Variants in PCDHGA5 observed in about 807,000 individuals in gnomAD.
PCDHGA5 encodes protocadherin gamma-A5.
In PCDHGA5, 36 loss-of-function variants were observed where a neutral mutation model predicts 56.7. The ratio of observed to expected loss-of-function variants is 0.64; its 90% CI spans 0.49 to 0.84. The LOEUF (loss-of-function observed/expected upper bound fraction) is 0.84, where lower values mean the gene tolerates loss of function less well. Among genes scored for constraint, PCDHGA5 ranks in the 40% least tolerant of loss-of-function variants. PCDHGA5 has a pLI of 0.00. For missense variants in PCDHGA5, 1,305 were observed against 1,201.5 expected, an observed-to-expected ratio of 1.09 and a Z score of -1.27; for synonymous variants, 563 against 520.2, an observed-to-expected ratio of 1.08 and a Z score of -1.12.
chr5:141,472,602 T>A (rs1032061805), intron 1 of PCDHGA5, among the ~76,000 whole-genome samples: 1 of 152,026 alleles, frequency 6.6e-6, no homozygotes, highest in South Asian at 2.1e-4. Context: ...CTTGAAATTA[T>A]AAAACAAAGA....
chr5:141,389,899 A>G (rs1328617262), intron 1 of PCDHGA5: 1 of 1,614,032 alleles, frequency 6.2e-7, no homozygotes, highest in South Asian at 1.1e-5. Flanking sequence ...GTGCTGCCGG[A>G]TATCACTGAC....
chr5:141,374,223 A>G (rs761001587), intron 1 of PCDHGA5: 2 of 1,614,020 alleles, frequency 1.2e-6, no homozygotes, highest in South Asian at 2.2e-5. Flanking sequence ...TTCGTAGGCA[A>G]CATCGTCAAG....
At chr5:141,418,127 A>G in intron 1 of PCDHGA5, 1 of 1,614,104 alleles carries the variant, frequency 6.2e-7, no homozygotes, top group East Asian at 2.2e-5. Flanking sequence ...GAAGGACCGA[A>G]TAGACCGTGA....
At chr5:141,397,858 C>G in intron 1 of PCDHGA5, 2 of 559,034 alleles carry the variant, frequency 3.6e-6, no homozygotes, top group South Asian at 2.6e-5. Context: ...GCTGTAGTTT[C>G]CTAGTGCTGA....
chr5:141,376,646 G>A (rs1394499987), intron 1 of PCDHGA5: 17 of 1,002,858 alleles, frequency 1.7e-5, no homozygotes, highest in Non-Finnish European at 2.3e-5. Flanking sequence ...TTTGTAAAGT[G>A]GAAGACTCCC....
rs1296449913 is a variant in PCDHGA5 at position 141,366,403 on chromosome 5, C to CT, written c.2074dup (p.Tyr692LeufsTer37). The CT allele has an allele frequency of 5.6e-6, 9 of 1,614,094 alleles. No individual in the cohort carries two copies. The highest frequency in any genetic ancestry group is 1.3e-5 in the African/African-American group (1 of 74,950). ...ACCCTGAGGATCTGGACCTCACACT[C>CT]TATCTTGTGGTGGCAGTGGCTGCAG... is the stretch of plus-strand genomic sequence containing the variant. On this transcript the variant is annotated frameshift_variant, in exon 1 of 4. Coordinates refer to ENST00000518069, the MANE Select transcript of PCDHGA5 (RefSeq NM_018918.3). LOFTEE classifies it high-confidence loss of function.
At chr5:141,420,494 C>T (rs978136090) in intron 1 of PCDHGA5, 6 of 499,392 alleles carry the variant, frequency 1.2e-5, no homozygotes, top group African/African-American at 2.0e-5. Flanking sequence ...GGGTAATCTC[C>T]GGTGACATTT....
chr5:141,400,233 C>G (rs373858401), intron 1 of PCDHGA5: 21 of 1,613,872 alleles, frequency 1.3e-5, no homozygotes, highest in Non-Finnish European at 1.8e-5. Context: ...TCCTCCTGGC[C>G]GTGATTCTGG....
chr5:141,444,900 T>C (rs997464788), intron 1 of PCDHGA5, among the ~76,000 whole-genome samples: 1 of 152,182 alleles, frequency 6.6e-6, no homozygotes, highest in Non-Finnish European at 1.5e-5. Context: ...TGGGATGGCA[T>C]TGCATCTATA....
rs775104626 is a variant in PCDHGA5, at chr5:141,486,636, C to T, written c.2422-8171C>T. On this transcript the variant is annotated intron_variant, in intron 1 of 3. Transcript: ENST00000518069. This position sits in a 1 kb window ranked among gnomAD's most constrained non-coding sequence, Gnocchi z 5.0. ...TCTGACCCAGACTCTGGCTTGAATG[C>T]GCTTATCTCCTACTCACTCCTGGAG... 7 of 1,613,540 alleles carry T rather than the reference C, an allele frequency of 4.3e-6. No individual in the cohort carries two copies. The highest frequency in any genetic ancestry group is 1.3e-5 in the African/African-American group (1 of 74,926).
intron 1 of PCDHGA5, chr5:141,370,361 T>G (rs747397059): frequency 1.4e-5 from 22 of 1,517,974 alleles, no homozygotes; most frequent in Non-Finnish European, 1.7e-5. Context: ...TCTCCTCTCC[T>G]CGGATTTAGA....
At chr5:141,375,623 C>G in intron 1 of PCDHGA5, 5 of 1,614,244 alleles carry the variant, frequency 3.1e-6, no homozygotes, top group Non-Finnish European at 3.4e-6. Flanking sequence ...CACTGGGATT[C>G]TGTACGCCCT....
chr5:141,505,243 G>A (rs2099844728), intron 2 of PCDHGA5, 150 bp from the exon 3 acceptor site: 1 of 1,424,622 alleles, frequency 7.0e-7, no homozygotes, highest in Non-Finnish European at 9.4e-7. Flanking sequence ...CTGAAGGATT[G>A]TAGAAGTGCC....
At chr5:141,414,856 G>C (rs1269714202) in intron 1 of PCDHGA5, 2 of 1,614,216 alleles carry the variant, frequency 1.2e-6, no homozygotes, top group Non-Finnish European at 8.5e-7. Flanking sequence ...GGACCAGAAC[G>C]ACAATGCGCC....
chr5:141,458,347 T>A (rs1351687231), intron 1 of PCDHGA5, among the ~76,000 whole-genome samples: 1 of 151,916 alleles, frequency 6.6e-6, no homozygotes, highest in Non-Finnish European at 1.5e-5. Flanking sequence ...AGTGGAGAGT[T>A]TAATAAGCAA....
chr5:141,504,963 AC>A (rs1409940135), intron 2 of PCDHGA5, among the ~76,000 whole-genome samples: 1 of 152,038 alleles, frequency 6.6e-6, no homozygotes, highest in Non-Finnish European at 1.5e-5. Context: ...AATGCATTGG[AC>A]CAGCCTGGCC....
intron 1 of PCDHGA5, chr5:141,392,765 C>T (rs952463522): frequency 2.7e-6 from 4 of 1,482,974 alleles, no homozygotes; most frequent in Admixed American, 5.1e-5. Flanking sequence ...TAAATAAGAC[C>T]CATTTATGCA....
intron 1 of PCDHGA5, chr5:141,441,801 G>A (rs954094882): frequency 7.8e-6 from 3 of 384,492 alleles, no homozygotes; most frequent in African/African-American, 4.4e-5. Flanking sequence ...CGCACCGCGG[G>A]TGCTGTACCC....
intron 1 of PCDHGA5, chr5:141,428,732 T>C (rs976924838): frequency 1.3e-5 from 2 of 159,284 alleles, no homozygotes; most frequent in African/African-American, 4.8e-5. Context: ...CTTAAACATA[T>C]TATATCTACT....
Sources: gnomAD v4.1 joint callset for allele counts (sites outside exome capture counted in the v4.1 genomes callset) on GRCh38, gnomAD v4.1.1 for gene constraint, Gnocchi (gnomAD v3.1) non-coding constraint, MANE v1.5 for transcripts, NCBI Gene and HGNC (gene_info 2026-07-23, HGNC 2026-07-21) for gene names.